ADPRHL1: variants seen among roughly 807,000 people sequenced by gnomAD.
The protein encoded by ADPRHL1 is inactive ADP-ribosyltransferase ARH2.
ADPRHL1 carries 43 observed loss-of-function variants against 44.1 expected under a neutral mutation model. The observed-to-expected ratio is 0.98, with a 90% CI of 0.76 to 1.26. The LOEUF is 1.26. ADPRHL1 is among the 50% of genes most tolerant of loss of function. ADPRHL1 has a pLI of 0.00. For missense variants in ADPRHL1, 2,022 were observed against 2,496.9 expected (o/e 0.81, Z 4.05); for synonymous variants, 878 against 1,017.4 (o/e 0.86, Z 2.61).
chr13:113,411,896 C>T (rs1048802542), intron 7 of ADPRHL1, among the ~76,000 whole-genome samples: 3 of 152,264 alleles, frequency 2.0e-5, no homozygotes, highest in African/African-American at 7.2e-5. Context: ...CTGCTCCCTG[C>T]TGTCCTGCCA....
chr13:113,420,947 ACCCCC>A (rs1324011063), intron 7 of ADPRHL1, among the ~76,000 whole-genome samples: 1 of 8,244 alleles, frequency 1.2e-4, no homozygotes. Context: ...GGACAACCCT[ACCCCC>A]CCCGACACGC....
intron 1 of ADPRHL1, among the ~76,000 whole-genome samples, chr13:113,450,534 T>C (rs2044171187): frequency 6.6e-6 from 1 of 152,054 alleles, no homozygotes; most frequent in South Asian, 2.1e-4. Flanking sequence ...CTGGCTGCAC[T>C]GTTATTTATT....
At chr13:113,445,599 A>G (rs2044130736) in intron 1 of ADPRHL1, among the ~76,000 whole-genome samples, 1 of 152,024 alleles carries the variant, frequency 6.6e-6, no homozygotes, top group South Asian at 2.1e-4. Context: ...TGAATTCCCC[A>G]CCTTTGGGGA....
rs559019547 is a variant in ADPRHL1 at position 113,406,509 on chromosome 13, G to A, written c.2773C>T (p.Arg925Cys). 4.5e-5 allele frequency: 56 copies of A among 1,232,008 alleles called. No homozygotes were observed. The South Asian group carries it at 1.6e-3, about 36-fold the overall frequency. The allele number at this position is 1,232,008 out of a possible 1,614,324, so 76.3% of individuals were successfully genotyped here. ...SSPQGPRAAPRLAAARGAVGA... is the reference protein window; with the variant it reads ...SSPQGPRAAPCLAAARGAVGA... ...ACAGCCCCTCTTGCTGCTGCCAGAC[G>A]CGGAGCTGCCCGTGGCCCCTGCGGC... The change falls in exon 8 of 8, where the codon CGT becomes TGT. Residue 925 changes from arginine to cysteine, a missense_variant. By Grantham distance (180) the Arg-to-Cys change is radical. This residue lies in a region of ADPRHL1 where 1,221 missense variants were observed against 1,517.8 expected (regional missense o/e 0.80). Transcript: ENST00000612156.
intron 1 of ADPRHL1, 65 bp from the exon 2 acceptor site, chr13:113,444,654 C>T (rs1019549462): frequency 3.3e-5 from 52 of 1,553,722 alleles, no homozygotes; most frequent in East Asian, 6.8e-5. Flanking sequence ...CTCCCTCCCG[C>T]GGGGTCAGGC....
intron 6 of ADPRHL1, 56 bp downstream of exon 6, chr13:113,424,161 C>G: frequency 6.2e-7 from 1 of 1,602,764 alleles, no homozygotes; most frequent in South Asian, 1.1e-5. Flanking sequence ...CGAGGGGGTG[C>G]TTCAGAAGAA....
rs914684850 is a variant in ADPRHL1, at chr13:113,407,954, C to T, written c.1328G>A (p.Arg443His). The T allele has an allele frequency of 1.6e-5, 20 of 1,231,872 alleles. No individual in the cohort carries two copies. Among genetic ancestry groups the T allele is most frequent in the South Asian group, 8.2e-5 (2 of 24,326 alleles). The allele number at this position is 1,231,872 out of a possible 1,614,324, so 76.3% of individuals were successfully genotyped here. The change falls in exon 8 of 8, where the codon CGC becomes CAC. Residue 443 changes from arginine to histidine, a missense_variant. Arg to His is a conservative substitution (Grantham distance 29, BLOSUM62 0). Around this residue, in one of 8 missense-constraint regions of ADPRHL1, gnomAD observed 1,221 missense variants for 1,517.8 expected, o/e 0.80. Transcript: ENST00000612156. ...QAKFLGTGRE[R>H]YLKRTREVGR... ...CACCTCCCTGGTCCTCTTGAGGTAG[C>T]GCTCCCGGCCAGTGCCCAGGAACTT...
At chr13:113,413,496 G>A (rs991921446) in intron 7 of ADPRHL1, among the ~76,000 whole-genome samples, 10 of 152,216 alleles carry the variant, frequency 6.6e-5, no homozygotes, top group Non-Finnish European at 1.3e-4. Flanking sequence ...GACTTTCGGC[G>A]ACTCCCGCGT....
chr13:113,451,427 C>T (rs781707149), intron 1 of ADPRHL1, among the ~76,000 whole-genome samples: 1 of 152,038 alleles, frequency 6.6e-6, no homozygotes, highest in Non-Finnish European at 1.5e-5. Flanking sequence ...TTCTCATGAC[C>T]CACAAACTAG....
rs2043793487 is a variant in ADPRHL1 at position 113,404,682 on chromosome 13, CCTGA to C, written c.4596_4599del (p.Ser1532ArgfsTer30). The C allele has an allele frequency of 7.7e-7, 1 of 1,301,062 alleles. No individual in the cohort carries two copies. The highest frequency in any genetic ancestry group is 9.7e-7 in the Non-Finnish European group (1 of 1,032,058). The allele number at this position is 1,301,062 out of a possible 1,614,324, so 80.6% of individuals were successfully genotyped here. On this transcript the variant is annotated frameshift_variant, in exon 8 of 8. Transcript: ENST00000612156. LOFTEE classifies it low-confidence loss of function (END_TRUNC). The stretch of plus-strand genomic sequence containing the variant: ...TTCTGAAACTGTTTCTGGGCCTGTC[CCTGA>C]CTGTGTCCCTGGGTCCCACCCTGAG...
rs2044097535 is a variant in ADPRHL1, at chr13:113,441,426, C to T, written c.379+2999G>A. 1.3e-5 allele frequency among the ~76,000 whole-genome samples: 2 copies of T among 152,050 alleles called. No homozygotes were observed. The highest frequency in any genetic ancestry group is 2.9e-5 in the Non-Finnish European group (2 of 68,018). On this transcript the variant is annotated intron_variant, in intron 2 of 7. Coordinates refer to ENST00000612156, the MANE Select transcript of ADPRHL1 (RefSeq NM_001394807.1). The surrounding 1 kb of genome is among the most constrained non-coding windows in gnomAD (Gnocchi z 6.0). ...ATTGCTAACTCTTCTGTGATTTCAG[C>T]GGTGGCTTTTGGGTTCATGGTGTCC... is the stretch of plus-strand genomic sequence containing the variant.
Position 113,411,355 on chromosome 13 carries a change from G to A in ADPRHL1, c.1062-3135C>T, listed in dbSNP as rs555314852. Among the ~76,000 whole-genome samples, 504 of 152,244 alleles carry A rather than the reference G, an allele frequency of 3.3e-3. 2 individuals carry two copies. The highest frequency in any genetic ancestry group is 4.9e-3 in the African/African-American group (204 of 41,552). ...TCGGAGCCCCTTGTCGAGGCTGAGCGTCTGTTCTGGGTGGTGGGGCCATGT... is the reference window on the plus strand; with the variant it reads ...TCGGAGCCCCTTGTCGAGGCTGAGCATCTGTTCTGGGTGGTGGGGCCATGT... On this transcript the variant is annotated intron_variant, in intron 7 of 7. Transcript: ENST00000612156.
Position 113,400,326 on chromosome 13 carries a change from A to G in ADPRHL1, c.*3052T>C, listed in dbSNP as rs373917690. 18 of 151,428 alleles carry G rather than the reference A, an allele frequency of 1.2e-4. No individual in the cohort carries two copies. Among genetic ancestry groups the G allele is most frequent in the African/African-American group, 4.4e-4 (18 of 41,314 alleles). 9.4% of individuals were successfully genotyped at this position (151,428 alleles called of 1,614,324 possible). On this transcript the variant is annotated 3_prime_UTR_variant, in exon 8 of 8. Transcript: ENST00000612156. ...ACGCCCGGCTAATTTTTGTATTTTT[A>G]GTAGAGACAGGGTTTCACTGTGTTA...
At chr13:113,434,856 GTGTAGAGTGAA>G (rs2044037760) in intron 2 of ADPRHL1, among the ~76,000 whole-genome samples, 1 of 115,664 alleles carries the variant, frequency 8.6e-6, no homozygotes, top group Non-Finnish European at 1.8e-5. Context: ...CGGCACCCAG[GTGTAGAGTGAA>G]CATAGGTGTA....
chr13:113,409,358 T>TTA lies in ADPRHL1; in HGVS notation c.1062-1140_1062-1139dup, dbSNP rs1443178437. 3 of 985,278 alleles carry TTA rather than the reference T, an allele frequency of 3.0e-6. No individual in the cohort carries two copies. The African/African-American group carries it at 5.2e-5, about 17-fold the overall frequency. 61.0% of individuals were successfully genotyped at this position (985,278 alleles called of 1,614,324 possible). A position where few individuals can be genotyped will look rare whatever the true frequency, so the allele number is the denominator to read the frequency against. The stretch of plus-strand genomic sequence containing the variant: ...CCCAGAATCTTAGCTGTCACACCTG[T>TTA]TAGTCATTCATTCTAAGGAGATCAT... On this transcript the variant is annotated intron_variant, in intron 7 of 7. Transcript: ENST00000612156. This position sits in a 1 kb window ranked among gnomAD's most constrained non-coding sequence, Gnocchi z 4.2.
chr13:113,403,644 C>T lies in ADPRHL1; in HGVS notation c.5638G>A (p.Gly1880Arg). The change falls in exon 8 of 8, where the codon GGG (glycine) becomes AGG (arginine). Residue 1880 changes from glycine (G) to arginine (R), a missense_variant. Gly to Arg is a moderately radical substitution (Grantham distance 125). Coordinates refer to ENST00000612156, the MANE Select transcript of ADPRHL1 (RefSeq NM_001394807.1). ...RGKSIATSPLGLGKSPTEPKP... is the reference protein window; with the variant it reads ...RGKSIATSPLRLGKSPTEPKP... ...GGCTCAGTTGGGCTCTTTCCCAGCC[C>T]CAGGGGAGAGGTGGCAATGCTCTTG... 8.1e-7 allele frequency: 1 copy of T among 1,231,734 alleles called. No homozygotes were observed. Among genetic ancestry groups the T allele is most frequent in the Non-Finnish European group, 1.0e-6 (1 of 988,038 alleles). 76.3% of individuals were successfully genotyped at this position (1,231,734 alleles called of 1,614,324 possible). A position where few individuals can be genotyped will look rare whatever the true frequency, so the allele number is the denominator to read the frequency against.
intron 7 of ADPRHL1, among the ~76,000 whole-genome samples, chr13:113,416,982 A>G (rs2043890322): frequency 6.6e-6 from 1 of 152,258 alleles, no homozygotes; most frequent in Non-Finnish European, 1.5e-5. Context: ...TCCTGGGCAA[A>G]GGGGCGTGGG....
intron 3 of ADPRHL1, among the ~76,000 whole-genome samples, 180 bp downstream of exon 3, chr13:113,433,562 G>A (rs190533853): frequency 3.3e-5 from 5 of 152,312 alleles, no homozygotes; most frequent in Admixed American, 2.0e-4. Context: ...CCCGGGCAGG[G>A]CGCCCTCACA....
chr13:113,428,991 CCA>C lies in ADPRHL1; in HGVS notation c.605_606del (p.Leu202ArgfsTer23). ...ATGGTCTTCCTGCAGTACTCTTCTG[CCA>C]GAGGCACCGCCCGCAGCATGTCTCT... is the stretch of plus-strand genomic sequence containing the variant. ...WGRDMLRAVPLAEEYCRKTIR... is the reference protein window; with the variant it reads ...WGRDMLRAVPXAEEYCRKTIR... On this transcript the variant is annotated frameshift_variant, in exon 4 of 8. Coordinates refer to ENST00000612156, the MANE Select transcript of ADPRHL1 (RefSeq NM_001394807.1). LOFTEE classifies it high-confidence loss of function. 6.2e-7 allele frequency: 1 copy of C among 1,612,812 alleles called. No homozygotes were observed. Among genetic ancestry groups the C allele is most frequent in the Non-Finnish European group, 8.5e-7 (1 of 1,180,016 alleles).
Sources: gnomAD v4.1 joint callset for allele counts (sites outside exome capture counted in the v4.1 genomes callset) on GRCh38, gnomAD v4.1.1 for gene constraint, gnomAD v4.1.1 regional missense constraint, Gnocchi (gnomAD v3.1) non-coding constraint, MANE v1.5 for transcripts, NCBI Gene and HGNC (gene_info 2026-07-23, HGNC 2026-07-21) for gene names.